The following EYA4 variants were observed in gnomAD, a reference collection of about 807,000 sequenced individuals.
EYA4 encodes protein phosphatase EYA4.
A neutral mutation model predicts 87.9 loss-of-function variants in EYA4; 31 were observed. The ratio of observed to expected loss-of-function variants is 0.35; its 90% confidence interval spans 0.27 to 0.48. EYA4 has a LOEUF of 0.48. EYA4 is among the 20% of genes least tolerant of loss of function. The probability of loss-of-function intolerance (pLI) is 0.99; values close to 1 mark genes in which losing one functional copy is unlikely to be tolerated. For synonymous variants in EYA4, 263 were observed against 270.6 expected, an observed-to-expected ratio of 0.97 and a Z score of 0.28; for missense variants, 678 against 761.4, an observed-to-expected ratio of 0.89 and a Z score of 1.29.
At chr6:133,484,638 A>C (rs765948567) in intron 13 of EYA4, among the ~76,000 whole-genome samples, 2 of 152,242 alleles carry the variant, frequency 1.3e-5, no homozygotes, top group South Asian at 4.1e-4. Flanking sequence ...TTTCCAGACT[A>C]TAATCTGAAG....
chr6:133,307,900 G>A (rs1779929483), intron 2 of EYA4, among the ~76,000 whole-genome samples: 2 of 152,106 alleles, frequency 1.3e-5, no homozygotes, highest in South Asian at 2.1e-4. Context: ...CATAATCCCC[G>A]TGTGTTGTGG....
intron 13 of EYA4, among the ~76,000 whole-genome samples, chr6:133,491,181 A>T (rs1295592380): frequency 6.6e-6 from 1 of 152,112 alleles, no homozygotes; most frequent in East Asian, 1.9e-4. Context: ...AACACAAAAT[A>T]CTAAACCCTA....
intron 18 of EYA4, 45 bp downstream of exon 18, chr6:133,523,222 G>A (rs1800342408): frequency 1.3e-6 from 2 of 1,595,004 alleles, no homozygotes. Context: ...GTCCACATCT[G>A]TGTGTCTCTG....
chr6:133,362,076 C>A (rs369244437), intron 2 of EYA4, among the ~76,000 whole-genome samples: 1 of 152,168 alleles, frequency 6.6e-6, no homozygotes, highest in African/African-American at 2.4e-5. Flanking sequence ...ATAGCTATAA[C>A]CTTGGGTGGT....
chr6:133,289,825 ATAACTTTG>A (rs1197422833), intron 2 of EYA4, among the ~76,000 whole-genome samples: 1 of 152,232 alleles, frequency 6.6e-6, no homozygotes, highest in Non-Finnish European at 1.5e-5. Context: ...CAGAATACAA[ATAACTTTG>A]TAAGGGCTAA....
At chr6:133,420,133 C>G (rs1314746391) in intron 3 of EYA4, among the ~76,000 whole-genome samples, 3 of 151,406 alleles carry the variant, frequency 2.0e-5, no homozygotes, top group East Asian at 1.9e-4. Context: ...TAGTACAACA[C>G]CAAAAAAAAA....
At chr6:133,527,566 A>G (rs1800735252) in intron 19 of EYA4, among the ~76,000 whole-genome samples, 1 of 152,186 alleles carries the variant, frequency 6.6e-6, no homozygotes, top group South Asian at 2.1e-4. Context: ...TGTAAAAATT[A>G]TTGAAGTCAT....
chr6:133,502,452 CAG>C (rs2128751427), intron 13 of EYA4: 1 of 152,184 alleles, frequency 6.6e-6, no homozygotes, highest in South Asian at 2.1e-4. Context: ...GGGTTCAATC[CAG>C]AAGTATGTTT....
chr6:133,521,095 A>G (rs1484979621), intron 17 of EYA4, among the ~76,000 whole-genome samples: 1 of 150,880 alleles, frequency 6.6e-6, no homozygotes, highest in African/African-American at 2.4e-5. Flanking sequence ...AATGGCAACA[A>G]AAGACAAAAT....
intron 2 of EYA4, among the ~76,000 whole-genome samples, chr6:133,293,311 C>A (rs760990379): frequency 6.6e-6 from 1 of 151,966 alleles, no homozygotes; most frequent in African/African-American, 2.4e-5. Context: ...TTTTCTATTA[C>A]AGTTGACACA....
chr6:133,520,141 T>A (rs1207491437), intron 17 of EYA4, among the ~76,000 whole-genome samples: 3 of 151,962 alleles, frequency 2.0e-5, no homozygotes, highest in Non-Finnish European at 4.4e-5. Flanking sequence ...CCAGGGCAAT[T>A]AGGCAGGAGA....
intron 5 of EYA4, among the ~76,000 whole-genome samples, chr6:133,449,820 T>C (rs1793244227): frequency 6.6e-6 from 1 of 152,246 alleles, no homozygotes; most frequent in Admixed American, 6.5e-5. Context: ...AATGAAAATA[T>C]GCATTGTGTT....
chr6:133,374,522 A>T (rs1785520785), intron 2 of EYA4, among the ~76,000 whole-genome samples: 1 of 152,046 alleles, frequency 6.6e-6, no homozygotes, highest in Non-Finnish European at 1.5e-5. Flanking sequence ...TATTTTGTCT[A>T]CTGTTGCACT....
At chr6:133,386,532 G>C (rs1438647314) in intron 3 of EYA4, among the ~76,000 whole-genome samples, 2 of 151,868 alleles carry the variant, frequency 1.3e-5, no homozygotes, top group African/African-American at 4.8e-5. Flanking sequence ...TTCTATTTCT[G>C]TTTCTCTTTG....
At chr6:133,480,615 G>A (rs1339406788) in intron 11 of EYA4, among the ~76,000 whole-genome samples, 1 of 152,088 alleles carries the variant, frequency 6.6e-6, no homozygotes, top group Non-Finnish European at 1.5e-5. Context: ...ATTACATACG[G>A]ATATAACATG....
chr6:133,500,316 G>A (rs1399198384), intron 13 of EYA4, among the ~76,000 whole-genome samples: 1 of 152,052 alleles, frequency 6.6e-6, no homozygotes, highest in East Asian at 1.9e-4. Context: ...GAGAACTCCT[G>A]TCTTATATGT....
intron 2 of EYA4, among the ~76,000 whole-genome samples, chr6:133,356,228 T>C (rs1784021488): frequency 6.6e-6 from 1 of 152,136 alleles, no homozygotes; most frequent in East Asian, 1.9e-4. Context: ...AAGTTAGGGC[T>C]TCAACATGTG....
At chr6:133,248,742 G>A (rs151174416) in intron 1 of EYA4, 1 of 152,290 alleles carries the variant, frequency 6.6e-6, no homozygotes, top group Non-Finnish European at 1.5e-5. Flanking sequence ...TAATGACGTT[G>A]TAGGTGAATC....
intron 2 of EYA4, among the ~76,000 whole-genome samples, chr6:133,364,592 C>G (rs116816311): frequency 0.012 from 1,849 of 152,330 alleles, 38 homozygotes; most frequent in African/African-American, 0.043. Context: ...TAATTCTTAA[C>G]AGATTTACTG....
Sources: gnomAD v4.1 joint callset for allele counts (sites outside exome capture counted in the v4.1 genomes callset) on GRCh38, gnomAD v4.1.1 for gene constraint, MANE v1.5 for transcripts, NCBI Gene and HGNC (gene_info 2026-07-23, HGNC 2026-07-21) for gene names.